Variants in GRB14 observed in about 807,000 individuals in gnomAD.
The protein encoded by GRB14 is growth factor receptor bound protein 14, also known as growth factor receptor-bound protein 14.
In GRB14, 38 loss-of-function variants were observed where a neutral mutation model predicts 69.1. That is an observed-to-expected ratio of 0.55 (90% CI 0.42 to 0.72). The LOEUF is 0.72. Ranked by LOEUF, GRB14 falls within the 30% of genes least tolerant of loss-of-function variation. GRB14 has a pLI of 0.00. For synonymous variants in GRB14, 247 were observed against 241.3 expected, an observed-to-expected ratio of 1.02 and a Z score of -0.22; for missense variants, 666 against 666.1, an observed-to-expected ratio of 1.00 and a Z score of 0.00.
chr2:164,575,204 G>T (rs960874596), intron 2 of GRB14, among the ~76,000 whole-genome samples: 5 of 152,060 alleles, frequency 3.3e-5, no homozygotes, highest in Non-Finnish European at 7.4e-5. Flanking sequence ...ATACAAATGA[G>T]ATTTTTAAAT....
Position 164,621,267 on chromosome 2 carries a change from C to T in GRB14, c.43G>A (p.Ala15Thr). 7.8e-7 allele frequency: 1 copy of T among 1,282,734 alleles called. No individual in the cohort carries two copies. The highest frequency in any genetic ancestry group is 3.2e-5 in the Admixed American group (1 of 31,220). 79.5% of individuals were successfully genotyped at this position (1,282,734 alleles called of 1,614,324 possible). A position where few individuals can be genotyped will look rare whatever the true frequency, so the allele number is the denominator to read the frequency against. ...GCCAGCGGCGAATCCCGGGCAGCCGCCCTGCTCGCGGCGCTCTGCCCATCT... is the reference window on the plus strand; with the variant it reads ...GCCAGCGGCGAATCCCGGGCAGCCGTCCTGCTCGCGGCGCTCTGCCCATCT... Reference protein sequence around the residue: ...LQDGQSAASRAAARDSPLAAQ... With the variant: ...LQDGQSAASRTAARDSPLAAQ... The change falls in exon 1 of 14, where the codon GCG becomes ACG. Residue 15 changes from alanine (A) to threonine (T), a missense_variant. Coordinates refer to ENST00000263915, the MANE Select transcript of GRB14 (RefSeq NM_004490.3). The surrounding 1 kb of genome is among the most constrained non-coding windows in gnomAD (Gnocchi z 6.0).
At chr2:164,531,395 G>A (rs1687931709) in intron 3 of GRB14, among the ~76,000 whole-genome samples, 1 of 152,180 alleles carries the variant, frequency 6.6e-6, no homozygotes, top group Non-Finnish European at 1.5e-5. Flanking sequence ...AAAGATGCTT[G>A]TTTGTTTGTT....
chr2:164,550,333 G>A (rs1028220821), intron 2 of GRB14, among the ~76,000 whole-genome samples: 8 of 152,112 alleles, frequency 5.3e-5, no homozygotes, highest in African/African-American at 1.4e-4. Context: ...CATAGAAGAC[G>A]CCTAACTATG....
At chr2:164,559,394 C>T (rs551003099) in intron 2 of GRB14, among the ~76,000 whole-genome samples, 103 of 152,216 alleles carry the variant, frequency 6.8e-4, no homozygotes, top group African/African-American at 2.3e-3. Flanking sequence ...GCACCCGTCA[C>T]CTGAGCAGCA....
intron 3 of GRB14, among the ~76,000 whole-genome samples, chr2:164,528,986 C>T (rs960100809): frequency 6.6e-6 from 1 of 152,152 alleles, no homozygotes; most frequent in Non-Finnish European, 1.5e-5. Flanking sequence ...TTCACAATAG[C>T]CAAAAGGTGG....
chr2:164,571,509 T>C (rs780835799), intron 2 of GRB14, among the ~76,000 whole-genome samples: 92 of 152,242 alleles, frequency 6.0e-4, no homozygotes, highest in Non-Finnish European at 5.6e-4. Context: ...TTTAGAATTT[T>C]ATTTGATAAT....
At chr2:164,519,451 G>C (rs1017808895) in intron 6 of GRB14, among the ~76,000 whole-genome samples, 1 of 152,096 alleles carries the variant, frequency 6.6e-6, no homozygotes, top group African/African-American at 2.4e-5. Context: ...ACTGGAACAA[G>C]AAATGGATGC....
chr2:164,510,455 A>G (rs1687311492), intron 6 of GRB14, among the ~76,000 whole-genome samples: 1 of 152,186 alleles, frequency 6.6e-6, no homozygotes, highest in South Asian at 2.1e-4. Flanking sequence ...AAATATATTC[A>G]TGACCACATC....
intron 3 of GRB14, among the ~76,000 whole-genome samples, chr2:164,541,355 T>G (rs1212212617): frequency 6.6e-6 from 1 of 151,674 alleles, no homozygotes; most frequent in Non-Finnish European, 1.5e-5. Flanking sequence ...GCCTGTAATC[T>G]CAGCTACTTG....
chr2:164,527,157 G>A (rs748610006), intron 3 of GRB14, 22 bp from the exon 4 acceptor site: 3 of 1,138,842 alleles, frequency 2.6e-6, no homozygotes, highest in Non-Finnish European at 2.5e-6. Flanking sequence ...GTTTCAATGA[G>A]TATGTTGACA....
In GRB14 at chr2:164,502,259, G is replaced by A. The variant is rs940829091; in HGVS notation, c.1100C>T (p.Pro367Leu). Reference protein sequence around the residue: ...RSGCSSQSISPMRSISENSLV... With the variant: ...RSGCSSQSISLMRSISENSLV... ...GCTCAAAAATTTGGTCCTTACCATA[G>A]GTGATATGCTCTGTGAACTGCAGCC... The change falls in exon 9 of 14, where the codon CCT becomes CTT. Residue 367 changes from proline (P) to leucine (L), a missense_variant. Physicochemically the swap from Pro to Leu is moderately conservative, Grantham distance 98. Transcript: ENST00000263915. The A allele has an allele frequency of 3.2e-6, 5 of 1,583,306 alleles. No individual in the cohort carries two copies. The highest frequency in any genetic ancestry group is 2.7e-5 in the African/African-American group (2 of 74,262).
intron 3 of GRB14, among the ~76,000 whole-genome samples, chr2:164,547,345 T>A (rs538981793): frequency 2.5e-4 from 38 of 152,252 alleles, no homozygotes; most frequent in Admixed American, 2.3e-3. Context: ...ATAAGATAAA[T>A]TTAACAATGA....
intron 2 of GRB14, among the ~76,000 whole-genome samples, chr2:164,559,879 G>A (rs1688777787): frequency 6.6e-6 from 1 of 152,116 alleles, no homozygotes; most frequent in South Asian, 2.1e-4. Context: ...TTCCATAGTG[G>A]TTGTACTAGT....
intron 9 of GRB14, among the ~76,000 whole-genome samples, chr2:164,499,043 T>C (rs1223002385): frequency 6.6e-6 from 1 of 152,148 alleles, no homozygotes; most frequent in Non-Finnish European, 1.5e-5. Context: ...ACCAGTCAGA[T>C]ATACTTGTGC....
chr2:164,580,386 C>T (rs916106192), intron 2 of GRB14, among the ~76,000 whole-genome samples: 31 of 150,226 alleles, frequency 2.1e-4, no homozygotes, highest in African/African-American at 7.1e-4. Flanking sequence ...AGCCACCATG[C>T]CCAGCCTTAT....
At chr2:164,620,914 G>C (rs1260607930) in intron 1 of GRB14, among the ~76,000 whole-genome samples, 1 of 152,234 alleles carries the variant, frequency 6.6e-6, no homozygotes, top group Admixed American at 6.5e-5. Flanking sequence ...AGCTCTCAAT[G>C]AAACGGTGAT....
chr2:164,611,638 T>C (rs1690169430), intron 2 of GRB14, among the ~76,000 whole-genome samples: 1 of 151,294 alleles, frequency 6.6e-6, no homozygotes, highest in Non-Finnish European at 1.5e-5. Context: ...TGCTTGGTCC[T>C]GTACTTTAAC....
chr2:164,578,997 G>A (rs1042131967), intron 2 of GRB14, among the ~76,000 whole-genome samples: 1 of 151,908 alleles, frequency 6.6e-6, no homozygotes, highest in Non-Finnish European at 1.5e-5. Flanking sequence ...CTAAAGTATG[G>A]ACTAACGAAG....
At position 164,565,120 on chromosome 2, in the gene GRB14, G is replaced by C. The variant is rs556997350; in HGVS notation, c.325-17304C>G. The stretch of plus-strand genomic sequence containing the variant: ...ATATGGATGTAAGGCCTTCTGACCT[G>C]GTAGTGTTTCCATAAAAGAATGTGA... On this transcript the variant is annotated intron_variant, in intron 2 of 13. Transcript: ENST00000263915. 2.6e-5 allele frequency among the ~76,000 whole-genome samples: 4 copies of C among 152,270 alleles called. No individual in the cohort carries two copies. In the East Asian group the frequency reaches 7.7e-4, roughly 29 times the overall value.
Sources: gnomAD v4.1 joint callset for allele counts (sites outside exome capture counted in the v4.1 genomes callset) on GRCh38, gnomAD v4.1.1 for gene constraint, Gnocchi (gnomAD v3.1) non-coding constraint, MANE v1.5 for transcripts, NCBI Gene and HGNC (gene_info 2026-07-23, HGNC 2026-07-21) for gene names.